Variants in NAALADL2 observed in about 807,000 individuals in gnomAD.
NAALADL2 encodes the protein inactive N-acetylated-alpha-linked acidic dipeptidase-like protein 2.
NAALADL2 carries 76 observed loss-of-function variants against 87.2 expected under a neutral mutation model. The observed-to-expected ratio is 0.87, with a 90% CI of 0.72 to 1.05. The LOEUF is 1.05. Among genes scored for constraint, NAALADL2 ranks in the 50% least tolerant of loss-of-function variants. The pLI, the probability that NAALADL2 is intolerant of heterozygous loss-of-function variation, is 0.00. For synonymous variants in NAALADL2, 354 were observed against 331.0 expected (o/e 1.07, Z -0.75); for missense variants, 1,089 against 945.8 (o/e 1.15, Z -1.99).
intron 1 of NAALADL2, among the ~76,000 whole-genome samples, chr3:174,537,444 T>C (rs1350792397): frequency 6.6e-6 from 1 of 152,194 alleles, no homozygotes; most frequent in Non-Finnish European, 1.5e-5. Context: ...GAAATAGCGT[T>C]TTAAGCAGTT....
At chr3:174,496,832 A>G (rs1306359893) in intron 1 of NAALADL2, among the ~76,000 whole-genome samples, 5 of 152,164 alleles carry the variant, frequency 3.3e-5, no homozygotes, top group African/African-American at 1.2e-4. Context: ...TGTGGGGTAT[A>G]ACACTCCAAC....
chr3:175,757,927 T>C (rs1047547619), intron 13 of NAALADL2, among the ~76,000 whole-genome samples: 2 of 152,054 alleles, frequency 1.3e-5, no homozygotes, highest in Non-Finnish European at 2.9e-5. Context: ...AAAGAAAAAT[T>C]CAGAAATTAA....
At chr3:175,532,010 C>T (rs186168089) in intron 9 of NAALADL2, among the ~76,000 whole-genome samples, 4 of 152,282 alleles carry the variant, frequency 2.6e-5, no homozygotes, top group East Asian at 1.9e-4. Context: ...GGCTTCCATT[C>T]GGCCTTTTCC....
chr3:174,455,314 G>A (rs770064515), intron 1 of NAALADL2, among the ~76,000 whole-genome samples: 4 of 152,082 alleles, frequency 2.6e-5, no homozygotes, highest in Non-Finnish European at 5.9e-5. Context: ...AAGAAGAGCT[G>A]GTACCATTCC....
intron 2 of NAALADL2, among the ~76,000 whole-genome samples, chr3:174,672,198 G>A (rs971347144): frequency 6.6e-6 from 1 of 151,896 alleles, no homozygotes. Context: ...TCCCACATTG[G>A]GACAATAGCT....
intron 2 of NAALADL2, among the ~76,000 whole-genome samples, chr3:174,709,212 C>G (rs1056765949): frequency 6.6e-6 from 1 of 152,004 alleles, no homozygotes; most frequent in Non-Finnish European, 1.5e-5. Context: ...AAGAAAAATA[C>G]AAACTTGCTG....
chr3:175,650,416 G>T (rs1730610489), intron 11 of NAALADL2, among the ~76,000 whole-genome samples: 1 of 152,142 alleles, frequency 6.6e-6, no homozygotes, highest in African/African-American at 2.4e-5. Flanking sequence ...CTGGATTGTG[G>T]AGTAGGATGC....
chr3:175,783,879 C>A (rs1196891384), intron 13 of NAALADL2, among the ~76,000 whole-genome samples: 1 of 144,060 alleles, frequency 6.9e-6, no homozygotes, highest in Middle Eastern at 3.4e-3. Context: ...TACATCCCAT[C>A]GATACCTAAT....
At chr3:174,850,518 G>A (rs1431764529) in intron 3 of NAALADL2, among the ~76,000 whole-genome samples, 2 of 152,090 alleles carry the variant, frequency 1.3e-5, no homozygotes, top group Non-Finnish European at 2.9e-5. Flanking sequence ...TGTAAAAAGA[G>A]ACAAAGAAAA....
intron 1 of NAALADL2, among the ~76,000 whole-genome samples, chr3:174,932,701 A>C (rs961926003): frequency 6.6e-6 from 1 of 152,212 alleles, no homozygotes; most frequent in Non-Finnish European, 1.5e-5. Flanking sequence ...ATTTATGGTG[A>C]ACTTTGTATA....
chr3:174,697,672 C>A (rs1218875553), intron 2 of NAALADL2, among the ~76,000 whole-genome samples: 1 of 152,076 alleles, frequency 6.6e-6, no homozygotes, highest in Non-Finnish European at 1.5e-5. Flanking sequence ...CAGTGACTCC[C>A]TTAAATACAA....
At chr3:175,688,525 G>A (rs775705101) in intron 11 of NAALADL2, among the ~76,000 whole-genome samples, 16 of 152,128 alleles carry the variant, frequency 1.1e-4, no homozygotes, top group Non-Finnish European at 1.9e-4. Context: ...GTACAAAAGG[G>A]AAGAAAATGT....
intron 2 of NAALADL2, among the ~76,000 whole-genome samples, chr3:175,136,625 T>C (rs1729156372): frequency 4.1e-5 from 2 of 48,662 alleles, no homozygotes; most frequent in South Asian, 2.4e-3. Flanking sequence ...AAAATCAAAA[T>C]CCAGTTTTTT....
intron 11 of NAALADL2, among the ~76,000 whole-genome samples, chr3:175,653,881 C>A (rs1447706909): frequency 6.6e-5 from 10 of 152,150 alleles, no homozygotes; most frequent in Admixed American, 4.6e-4. Flanking sequence ...GGGTCAACAA[C>A]TTTGGTGTTG....
At chr3:174,760,911 G>A (rs1712847061) in intron 3 of NAALADL2, among the ~76,000 whole-genome samples, 1 of 152,130 alleles carries the variant, frequency 6.6e-6, no homozygotes, top group South Asian at 2.1e-4. Context: ...GCAAATGGGG[G>A]ACAAAGAGAA....
intron 3 of NAALADL2, among the ~76,000 whole-genome samples, chr3:174,814,324 G>T (rs1015342432): frequency 6.6e-6 from 1 of 151,970 alleles, no homozygotes; most frequent in Non-Finnish European, 1.5e-5. Context: ...AGCCAGGATG[G>T]TCTCAATCTC....
chr3:174,730,874 C>A (rs1732639090), intron 2 of NAALADL2, among the ~76,000 whole-genome samples: 1 of 152,002 alleles, frequency 6.6e-6, no homozygotes, highest in African/African-American at 2.4e-5. Context: ...CCTTTCATAT[C>A]ATAGACAAAG....
intron 1 of NAALADL2, among the ~76,000 whole-genome samples, chr3:175,068,602 A>C (rs917812215): frequency 2.0e-5 from 3 of 152,070 alleles, no homozygotes; most frequent in Admixed American, 1.3e-4. Flanking sequence ...ATGAGTGCAA[A>C]GTTTAACTTA....
chr3:174,970,369 G>C (rs778266595), intron 1 of NAALADL2, among the ~76,000 whole-genome samples: 1 of 151,994 alleles, frequency 6.6e-6, no homozygotes, highest in Non-Finnish European at 1.5e-5. Context: ...GATTGCTCAG[G>C]GTTTCATTAA....
Sources: allele counts gnomAD v4.1 joint callset (sites outside exome capture counted in the v4.1 genomes callset), GRCh38; gene constraint gnomAD v4.1.1; transcripts MANE v1.5; gene names NCBI Gene and HGNC (gene_info 2026-07-23, HGNC 2026-07-21).